DNAJC6: variants seen among roughly 807,000 people sequenced by gnomAD.
DNAJC6 encodes the protein DnaJ heat shock protein family (Hsp40) member C6.
Under a neutral mutation model 110.0 loss-of-function variants are expected in DNAJC6, and 34 were observed. That is an observed-to-expected ratio of 0.31 (90% CI 0.24 to 0.41). The LOEUF (loss-of-function observed/expected upper bound fraction) is 0.41. Ranked by LOEUF, DNAJC6 falls within the 10% of genes least tolerant of loss-of-function variation. The pLI, the probability that DNAJC6 is intolerant of heterozygous loss-of-function variation, is 1.00. For missense variants in DNAJC6, 1,031 were observed against 1,207.8 expected (o/e 0.85, Z 2.17); for synonymous variants, 406 against 437.2 (o/e 0.93, Z 0.89).
chr1:65,349,406 C>T (rs1645470253), intron 1 of DNAJC6, among the ~76,000 whole-genome samples: 1 of 151,904 alleles, frequency 6.6e-6, no homozygotes, highest in African/African-American at 2.4e-5. Context: ...AGACATTTAC[C>T]ATTTCTGGTA....
At chr1:65,412,336 T>C (rs754846626) in intron 18 of DNAJC6, among the ~76,000 whole-genome samples, 4 of 152,220 alleles carry the variant, frequency 2.6e-5, no homozygotes, top group Non-Finnish European at 5.9e-5. Flanking sequence ...TGCTGTCACA[T>C]AGACTATACC....
At chr1:65,399,016 T>C in intron 14 of DNAJC6, 135 bp downstream of exon 14, 1 of 860,382 alleles carries the variant, frequency 1.2e-6, no homozygotes, top group African/African-American at 1.7e-5. Context: ...AGATTCATAT[T>C]CTAGAAGAGC....
At chr1:65,365,999 C>A in intron 3 of DNAJC6, 49 bp from the exon 4 acceptor site, 1 of 1,612,696 alleles carries the variant, frequency 6.2e-7, no homozygotes. Context: ...ATCGTTATAG[C>A]AGACGTAAAC....
intron 1 of DNAJC6, among the ~76,000 whole-genome samples, chr1:65,298,173 C>T (rs779278433): frequency 6.6e-6 from 1 of 152,114 alleles, no homozygotes; most frequent in African/African-American, 2.4e-5. Flanking sequence ...TAAATTGGCT[C>T]TTATCTGGGC....
At position 65,392,778 on chromosome 1, in the gene DNAJC6, C is replaced by T. The variant is rs1182021144; in HGVS notation, c.1816C>T (p.His606Tyr). The change falls in exon 12 of 19, where the codon CAT becomes TAT. Residue 606 changes from histidine to tyrosine, a missense_variant. By Grantham distance (83) the His-to-Tyr change is moderately conservative. Coordinates refer to ENST00000371069, the MANE Select transcript of DNAJC6 (RefSeq NM_001256864.2). Reference sequence around the variant, plus strand: ...ACAGTCAGGAGTGGAAGATGTGTTTCATCCTAGTGGACCTGCGTCTACCCA... The same window carrying T: ...ACAGTCAGGAGTGGAAGATGTGTTTTATCCTAGTGGACCTGCGTCTACCCA... ...AGQSGVEDVF[H>Y]PSGPASTQST... 6.2e-7 allele frequency: 1 copy of T among 1,610,216 alleles called. No homozygotes were observed. The highest frequency in any genetic ancestry group is 1.3e-5 in the African/African-American group (1 of 74,932).
intron 18 of DNAJC6, among the ~76,000 whole-genome samples, chr1:65,412,719 C>G (rs1365698109): frequency 6.6e-6 from 1 of 152,120 alleles, no homozygotes; most frequent in East Asian, 1.9e-4. Flanking sequence ...TGGATTACTA[C>G]TACCCTTGTG....
At chr1:65,322,578 A>G (rs1557521201) in intron 1 of DNAJC6, among the ~76,000 whole-genome samples, 1 of 152,178 alleles carries the variant, frequency 6.6e-6, no homozygotes, top group Non-Finnish European at 1.5e-5. Flanking sequence ...TTGAGCATAT[A>G]TTTTTATATA....
intron 1 of DNAJC6, among the ~76,000 whole-genome samples, chr1:65,331,096 C>T (rs1304851147): frequency 2.0e-5 from 3 of 151,998 alleles, no homozygotes; most frequent in Admixed American, 6.5e-5. Flanking sequence ...GTCCATGCGA[C>T]GAGCTAAAAA....
intron 1 of DNAJC6, among the ~76,000 whole-genome samples, chr1:65,337,229 G>A (rs1230950154): frequency 6.7e-6 from 1 of 148,986 alleles, no homozygotes; most frequent in Non-Finnish European, 1.5e-5. Flanking sequence ...ACAATGTGTG[G>A]TTGTTTCTGT....
chr1:65,408,990 G>C (rs1359665302), intron 17 of DNAJC6, among the ~76,000 whole-genome samples: 2 of 152,124 alleles, frequency 1.3e-5, no homozygotes, highest in African/African-American at 4.8e-5. Context: ...CCAAGATCAA[G>C]GTGCCAGCCA....
At position 65,279,212 on chromosome 1, in the gene DNAJC6, C is replaced by T. The variant is rs116466918; in HGVS notation, c.-131+14280C>T. On this transcript the variant is annotated intron_variant, in intron 1 of 19. Transcript: ENST00000263441. The stretch of plus-strand genomic sequence containing the variant: ...CATTTCTACAACTTTGGGGGAGGGG[C>T]GGTGATGGTGGCGTGCAGAGATTGA... The T allele has an allele frequency of 6.3e-4, 610 of 964,570 alleles. 3 individuals carry two copies. The African/African-American group carries it at 0.01, about 16-fold the overall frequency. 59.8% of individuals were successfully genotyped at this position (964,570 alleles called of 1,614,324 possible). A position where few individuals can be genotyped will look rare whatever the true frequency, so the allele number is the denominator to read the frequency against.
chr1:65,342,561 C>T (rs1424971676), intron 1 of DNAJC6, among the ~76,000 whole-genome samples: 1 of 152,142 alleles, frequency 6.6e-6, no homozygotes, highest in Non-Finnish European at 1.5e-5. Context: ...CTTAATAAGC[C>T]ACTCAATTTA....
At chr1:65,268,629 C>T (rs578237253) in intron 1 of DNAJC6, among the ~76,000 whole-genome samples, 2 of 152,182 alleles carry the variant, frequency 1.3e-5, no homozygotes, top group East Asian at 1.9e-4. Context: ...TTTTTTATCT[C>T]CAAAACCATT....
chr1:65,375,947 A>G lies in DNAJC6; in HGVS notation c.544-3455A>G, dbSNP rs531086285. ...TCCTCTTCTTCCATTTTTAAAAAAT[A>G]GTTTGAGTAGGATTAATATTCATTC... On this transcript the variant is annotated intron_variant, in intron 4 of 18. Coordinates refer to ENST00000371069, the MANE Select transcript of DNAJC6 (RefSeq NM_001256864.2). Among the ~76,000 whole-genome samples the G allele has an allele frequency of 8.3e-4, 126 of 152,334 alleles. 1 individual carries two copies. Among genetic ancestry groups the G allele is most frequent in the African/African-American group, 2.9e-3 (120 of 41,584 alleles).
chr1:65,296,594 T>TC (rs1192293510), intron 1 of DNAJC6, among the ~76,000 whole-genome samples: 1 of 150,344 alleles, frequency 6.7e-6, no homozygotes, highest in East Asian at 1.9e-4. Flanking sequence ...ATCTTTTTTT[T>TC]TTTTTTTTTT....
At chr1:65,406,750 G>T (rs899759929) in intron 16 of DNAJC6, among the ~76,000 whole-genome samples, 2 of 152,136 alleles carry the variant, frequency 1.3e-5, no homozygotes, top group African/African-American at 2.4e-5. Context: ...TGAATGAAAA[G>T]TAATATTTTT....
At chr1:65,403,356 C>A (rs1646046826) in intron 15 of DNAJC6, among the ~76,000 whole-genome samples, 1 of 152,204 alleles carries the variant, frequency 6.6e-6, no homozygotes, top group Admixed American at 6.5e-5. Context: ...AGCTTGCACT[C>A]ATAAAAGGTT....
chr1:65,307,536 T>C (rs1645055958), upstream of DNAJC6, among the ~76,000 whole-genome samples: 1 of 152,192 alleles, frequency 6.6e-6, no homozygotes, highest in African/African-American at 2.4e-5. Flanking sequence ...ATTTATTTAT[T>C]TATTTTTTGA....
intron 1 of DNAJC6, among the ~76,000 whole-genome samples, chr1:65,332,242 C>T (rs573340133): frequency 6.6e-6 from 1 of 152,146 alleles, no homozygotes; most frequent in Non-Finnish European, 1.5e-5. Context: ...ACTCTCTTTT[C>T]CAGCTCCAAA....
Sources: gnomAD v4.1 joint callset for allele counts (sites outside exome capture counted in the v4.1 genomes callset) on GRCh38, gnomAD v4.1.1 for gene constraint, MANE v1.5 for transcripts, NCBI Gene and HGNC (gene_info 2026-07-23, HGNC 2026-07-21) for gene names.